The following CMPK1 variants were observed in gnomAD, a reference collection of about 807,000 sequenced individuals.
CMPK1 encodes the protein UMP-CMP kinase.
In CMPK1, 10 loss-of-function variants were observed where a neutral mutation model predicts 25.7. That is an observed-to-expected ratio of 0.39 (90% CI 0.24 to 0.66). CMPK1 has a LOEUF of 0.66. CMPK1 is among the 30% of genes least tolerant of loss of function. CMPK1 has a pLI of 0.48. For missense variants in CMPK1, 199 were observed against 280.5 expected (o/e 0.71, Z 2.08); for synonymous variants, 106 against 101.5 (o/e 1.04, Z -0.27).
chr1:47,346,946 G>A (rs1646489410), intron 1 of CMPK1, among the ~76,000 whole-genome samples: 3 of 150,762 alleles, frequency 2.0e-5, no homozygotes, highest in Admixed American at 1.3e-4. Context: ...ACCATACCCG[G>A]CTAATTTTTG....
At chr1:47,338,062 A>T (rs1557799816) in intron 1 of CMPK1, among the ~76,000 whole-genome samples, 3 of 152,112 alleles carry the variant, frequency 2.0e-5, no homozygotes, top group African/African-American at 7.2e-5. Flanking sequence ...TAGGAAAAAA[A>T]TTACATAAAT....
intron 1 of CMPK1, among the ~76,000 whole-genome samples, chr1:47,338,353 C>T (rs183408870): frequency 6.6e-6 from 1 of 152,138 alleles, no homozygotes; most frequent in Non-Finnish European, 1.5e-5. Context: ...CAAATTGCTC[C>T]TGGAGACCTA....
chr1:47,352,404 A>T (rs1027541952), intron 1 of CMPK1, among the ~76,000 whole-genome samples: 1 of 152,156 alleles, frequency 6.6e-6, no homozygotes, highest in African/African-American at 2.4e-5. Context: ...GCAGAGATTA[A>T]AAAGGCTGAT....
chr1:47,374,995 A>G lies in CMPK1; in HGVS notation c.548+10A>G. On this transcript the variant is annotated intron_variant, in intron 4 of 5. Transcript: ENST00000371873. ...AGAGCTTGGAAAAGAGGTACTTGGC[A>G]GTTTTTACATACAACCACTTCAATC... 4.4e-6 allele frequency: 7 copies of G among 1,599,198 alleles called. No homozygotes were observed. Among genetic ancestry groups the G allele is most frequent in the Non-Finnish European group, 5.1e-6 (6 of 1,167,786 alleles).
intron 3 of CMPK1, among the ~76,000 whole-genome samples, chr1:47,373,868 T>TA (rs1459285232): frequency 2.6e-5 from 4 of 152,204 alleles, no homozygotes; most frequent in South Asian, 2.1e-4. Flanking sequence ...TTGAAAAAAG[T>TA]AAAAAAATGT....
intron 1 of CMPK1, among the ~76,000 whole-genome samples, chr1:47,351,498 A>G (rs560860913): frequency 9.5e-4 from 145 of 152,328 alleles, no homozygotes; most frequent in African/African-American, 3.3e-3. Context: ...GTTGATGGAC[A>G]CTTAGGTTGT....
chr1:47,341,250 A>G (rs1395612335), intron 1 of CMPK1, among the ~76,000 whole-genome samples: 1 of 152,228 alleles, frequency 6.6e-6, no homozygotes, highest in Non-Finnish European at 1.5e-5. Context: ...GTGAACAAAA[A>G]TGCAAATATT....
At chr1:47,335,722 A>T (rs1447582553) in intron 1 of CMPK1, among the ~76,000 whole-genome samples, 2 of 150,730 alleles carry the variant, frequency 1.3e-5, no homozygotes, top group Non-Finnish European at 3.0e-5. Flanking sequence ...ACATCCTCTT[A>T]AAAAAATTTT....
chr1:47,344,351 A>G (rs1025128356), intron 1 of CMPK1, among the ~76,000 whole-genome samples: 36 of 152,276 alleles, frequency 2.4e-4, no homozygotes, highest in African/African-American at 7.9e-4. Flanking sequence ...TTATCCTTGT[A>G]TAGGGTTACT....
At chr1:47,334,571 C>T (rs945473845) in intron 1 of CMPK1, among the ~76,000 whole-genome samples, 4 of 152,218 alleles carry the variant, frequency 2.6e-5, no homozygotes, top group African/African-American at 7.2e-5. Context: ...CGCGCCTTCC[C>T]TCTGGTTCCC....
chr1:47,362,284 C>T (rs1646609025), intron 1 of CMPK1, among the ~76,000 whole-genome samples: 1 of 151,698 alleles, frequency 6.6e-6, no homozygotes, highest in Non-Finnish European at 1.5e-5. Context: ...ATTCTCCTGC[C>T]TCAGCCTCCC....
rs1646717965 is a variant in CMPK1, at chr1:47,377,900, T to A, written c.*1155T>A. 1 of 152,622 alleles carries A rather than the reference T, an allele frequency of 6.6e-6. No homozygotes were observed. The highest frequency in any genetic ancestry group is 1.5e-5 in the Non-Finnish European group (1 of 68,030). The allele number at this position is 152,622 out of a possible 1,614,324, so 9.5% of individuals were successfully genotyped here. On this transcript the variant is annotated 3_prime_UTR_variant, in exon 6 of 6. Transcript: ENST00000371873. Reference sequence around the variant, plus strand: ...CCAAAGGAATATTCTTTTACACCAATTCTTCCTTTAAAAATCTCTGAGGAA... The same window carrying A: ...CCAAAGGAATATTCTTTTACACCAAATCTTCCTTTAAAAATCTCTGAGGAA...
At chr1:47,334,222 A>C in intron 1 of CMPK1, 106 bp downstream of exon 1, 1 of 1,071,622 alleles carries the variant, frequency 9.3e-7, no homozygotes, top group Non-Finnish European at 1.2e-6. Context: ...GCCGCAGACT[A>C]CGAGTCCCGG....
intron 3 of CMPK1, 131 bp downstream of exon 3, chr1:47,373,238 C>A: frequency 1.4e-6 from 1 of 738,454 alleles, no homozygotes. Context: ...ATTGGATGGA[C>A]GGAACAGCAC....
Position 47,372,940 on chromosome 1 carries a change from T to C in CMPK1, c.319-15T>C, listed in dbSNP as rs2149334821. ...GTTAATGTTGTATTGAACCTAAATC[T>C]TCTTTTTCCTTTAGGAAATGGATCA... On this transcript the variant is annotated splice_polypyrimidine_tract_variant and intron_variant, in intron 2 of 5. Transcript: ENST00000371873. The C allele has an allele frequency of 6.3e-7, 1 of 1,599,652 alleles. No homozygotes were observed. The highest frequency in any genetic ancestry group is 2.2e-5 in the East Asian group (1 of 44,724).
intron 1 of CMPK1, among the ~76,000 whole-genome samples, chr1:47,342,333 C>T (rs1047486087): frequency 2.6e-5 from 4 of 151,530 alleles, no homozygotes; most frequent in East Asian, 3.9e-4. Context: ...CTGCCCGCCT[C>T]GGCCTCCCAA....
chr1:47,375,144 TGTAGAA>T, intron 4 of CMPK1, 47 bp from the exon 5 acceptor site: 1 of 1,412,184 alleles, frequency 7.1e-7, no homozygotes, highest in Non-Finnish European at 1.0e-6. Flanking sequence ...TCCTATAACA[TGTAGAA>T]GAAAGGATAG....
chr1:47,370,216 C>T (rs976351862), intron 2 of CMPK1, among the ~76,000 whole-genome samples: 1 of 151,504 alleles, frequency 6.6e-6, no homozygotes, highest in Non-Finnish European at 1.5e-5. Flanking sequence ...CATGCCCAGC[C>T]CTTTCTCTGT....
At chr1:47,375,042 C>G in intron 4 of CMPK1, 57 bp downstream of exon 4, 1 of 1,426,134 alleles carries the variant, frequency 7.0e-7, no homozygotes, top group South Asian at 1.2e-5. Context: ...TTATTTGGTA[C>G]AGGAATAAAA....
Sources: allele counts gnomAD v4.1 joint callset (sites outside exome capture counted in the v4.1 genomes callset), GRCh38; gene constraint gnomAD v4.1.1; transcripts MANE v1.5; gene names NCBI Gene and HGNC (gene_info 2026-07-23, HGNC 2026-07-21).